IFNAR1: variants seen among roughly 807,000 people sequenced by gnomAD.
IFNAR1 encodes interferon alpha and beta receptor subunit 1, also known as interferon alpha/beta receptor 1.
In IFNAR1, 47 loss-of-function variants were observed where a neutral mutation model predicts 62.1. That is an observed-to-expected ratio of 0.76 (90% CI 0.60 to 0.97). The LOEUF (loss-of-function observed/expected upper bound fraction) is 0.97, where lower values mean the gene tolerates loss of function less well. Ranked by LOEUF, IFNAR1 falls within the 50% of genes least tolerant of loss-of-function variation. IFNAR1 has a pLI of 0.00. For synonymous variants in IFNAR1, 219 were observed against 226.9 expected (o/e 0.97, Z 0.31); for missense variants, 638 against 654.5 (o/e 0.97, Z 0.27).
rs1252576216 is a variant in IFNAR1, at chr21:33,343,408, T to A, written c.517T>A (p.Ser173Thr). 1 of 1,612,278 alleles carries A rather than the reference T, an allele frequency of 6.2e-7. No homozygotes were observed. Among genetic ancestry groups the A allele is most frequent in the Admixed American group, 1.7e-5 (1 of 59,948 alleles). Residue 173 changes from serine (S) to threonine (T), a missense_variant, in exon 4 of 11, where the codon TCT (serine) becomes ACT (threonine). Physicochemically the swap from Ser to Thr is moderately conservative, Grantham distance 58. Transcript: ENST00000270139. Reference protein sequence around the residue: ...FTYSLVIWKNSSGVEERIENI... With the variant: ...FTYSLVIWKNTSGVEERIENI... ...ATATAGCTTAGTTATCTGGAAAAAC[T>A]CTTCAGGTGTAGAAGTAAGCATTAT...
chr21:33,331,487 C>T (rs991175872), intron 1 of IFNAR1, among the ~76,000 whole-genome samples: 2 of 152,164 alleles, frequency 1.3e-5, no homozygotes, highest in Non-Finnish European at 2.9e-5. Context: ...CCCTGTTCTA[C>T]AGGCCAAATA....
Position 33,349,557 on chromosome 21 carries a change from ATAGTATAAT to A in IFNAR1, c.1143+16_1143+24del. 6.5e-7 allele frequency: 1 copy of A among 1,535,190 alleles called. No individual in the cohort carries two copies. Among genetic ancestry groups the A allele is most frequent in the Non-Finnish European group, 8.9e-7 (1 of 1,125,340 alleles). ...TCAAATGCTGAGGTAAAAAGACTGT[ATAGTATAAT>A]TTTGTAACTTAGAGTTATAATTATG... is the stretch of plus-strand genomic sequence containing the variant. On this transcript the variant is annotated intron_variant, in intron 8 of 10. Coordinates refer to ENST00000270139, the MANE Select transcript of IFNAR1 (RefSeq NM_000629.3).
intron 1 of IFNAR1, among the ~76,000 whole-genome samples, chr21:33,331,233 C>A (rs754606745): frequency 3.8e-4 from 58 of 152,202 alleles, no homozygotes; most frequent in African/African-American, 1.4e-3. Context: ...CCTGGGAACA[C>A]ACTACCTTGG....
chr21:33,347,821 C>T (rs1163347987), intron 6 of IFNAR1, among the ~76,000 whole-genome samples: 1 of 152,114 alleles, frequency 6.6e-6, no homozygotes, highest in African/African-American at 2.4e-5. Context: ...TTTGCCTTCT[C>T]CAGTGGGGAG....
chr21:33,325,252 T>C (rs1160232993), intron 1 of IFNAR1, 121 bp downstream of exon 1: 1 of 862,610 alleles, frequency 1.2e-6, no homozygotes, highest in Non-Finnish European at 1.8e-6. Context: ...TCGGTCCACT[T>C]TGCCGCGCCA....
intron 1 of IFNAR1, chr21:33,334,898 A>G: frequency 6.9e-7 from 1 of 1,447,174 alleles, no homozygotes; most frequent in Non-Finnish European, 9.7e-7. Context: ...GATACACTAT[A>G]CTTTCCCACC....
rs1242618626 is a variant in IFNAR1, at chr21:33,349,308, A to G, written c.988+18A>G. ...AATACAAGGTAAGGCAGTAGTTTTT[A>G]CTGGAGATTGTAATTCTCTGGTGCA... On this transcript the variant is annotated intron_variant, in intron 7 of 10. Transcript: ENST00000270139. The G allele has an allele frequency of 1.3e-6, 2 of 1,576,386 alleles. No homozygotes were observed. Among genetic ancestry groups the G allele is most frequent in the African/African-American group, 2.7e-5 (2 of 73,352 alleles).
At chr21:33,347,352 A>C (rs1191237902) in intron 6 of IFNAR1, among the ~76,000 whole-genome samples, 1 of 151,718 alleles carries the variant, frequency 6.6e-6, no homozygotes, top group Non-Finnish European at 1.5e-5. Context: ...CTGGTCTCGA[A>C]CTCCTGACTT....
rs2083483699 is a variant in IFNAR1 at position 33,359,810 on chromosome 21, T to C, written c.*4261T>C. The C allele has an allele frequency of 1.3e-5, 2 of 152,154 alleles. No individual in the cohort carries two copies. Among genetic ancestry groups the C allele is most frequent in the African/African-American group, 4.8e-5 (2 of 41,432 alleles). 9.4% of individuals were successfully genotyped at this position (152,154 alleles called of 1,614,324 possible). ...ACACAAATAATAAATAAATCATCCC[T>C]AATGCCCAAGAAATGCCCTGGTACT... On this transcript the variant is annotated 3_prime_UTR_variant, in exon 11 of 11. Transcript: ENST00000270139.
At chr21:33,328,551 A>G (rs1357138054) in intron 1 of IFNAR1, among the ~76,000 whole-genome samples, 1 of 152,212 alleles carries the variant, frequency 6.6e-6, no homozygotes, top group African/African-American at 2.4e-5. Flanking sequence ...TCAAGACCTT[A>G]AGTTTACAGC....
In IFNAR1 at chr21:33,353,790, T is replaced by G. The variant is rs1488970081; in HGVS notation, c.1440+7T>G. The G allele has an allele frequency of 6.5e-7, 1 of 1,543,060 alleles. No individual in the cohort carries two copies. The highest frequency in any genetic ancestry group is 1.2e-5 in the South Asian group (1 of 81,052). On this transcript the variant is annotated splice_region_variant and intron_variant, in intron 10 of 10. Transcript: ENST00000270139. The stretch of plus-strand genomic sequence containing the variant: ...TTCTTCCAGTATAGATGAGGTATGT[T>G]ACTTTTTTTATTTTTTTGTCAACAG...
At chr21:33,337,756 A>ATATTGT (rs2083255948) in intron 2 of IFNAR1, among the ~76,000 whole-genome samples, 1 of 152,020 alleles carries the variant, frequency 6.6e-6, no homozygotes, top group Non-Finnish European at 1.5e-5. Context: ...ACATATACAC[A>ATATTGT]CTATATATAC....
chr21:33,352,682 A>C, intron 8 of IFNAR1, 76 bp from the exon 9 acceptor site: 1 of 794,886 alleles, frequency 1.3e-6, no homozygotes, highest in East Asian at 2.5e-5. Context: ...ACTGAACATA[A>C]AAAATTGAGA....
Position 33,341,101 on chromosome 21 carries a change from A to G in IFNAR1, c.303A>G (p.Lys101=). 1 of 1,613,422 alleles carries G rather than the reference A, an allele frequency of 6.2e-7. No homozygotes were observed. Among genetic ancestry groups the G allele is most frequent in the Non-Finnish European group, 8.5e-7 (1 of 1,179,476 alleles). ...SLKLNVYEEI[K]LRIRAEKENT... ...AGCTGAATGTTTATGAAGAAATTAA[A>G]TTGCGTATAAGAGCAGAAAAAGAAA... Residue 101 remains lysine, a synonymous_variant, in exon 3 of 11, where the codon AAA becomes AAG. Transcript: ENST00000270139.
At chr21:33,338,954 C>T (rs1261830081) in intron 2 of IFNAR1, among the ~76,000 whole-genome samples, 1 of 152,138 alleles carries the variant, frequency 6.6e-6, no homozygotes, top group Non-Finnish European at 1.5e-5. Context: ...GTTGATCGGG[C>T]TGATCTCGAA....
upstream of IFNAR1, chr21:33,324,825 T>G (rs2083107133): frequency 3.6e-6 from 2 of 557,472 alleles, no homozygotes; most frequent in African/African-American, 3.8e-5. Flanking sequence ...CAATGGGAGC[T>G]TGGAGAAGGG....
intron 4 of IFNAR1, 41 bp from the exon 5 acceptor site, chr21:33,343,493 CT>C (rs1177177638): frequency 3.2e-6 from 5 of 1,555,184 alleles, no homozygotes; most frequent in Non-Finnish European, 4.4e-6. Context: ...TAAAATTTGA[CT>C]TTATACTTTT....
In IFNAR1 at chr21:33,325,113, G is replaced by T; in HGVS notation, c.58G>T (p.Val20Leu). The change falls in exon 1 of 11, where the codon GTG becomes TTG. Residue 20 changes from valine (V) to leucine (L), a missense_variant. Val to Leu is a conservative substitution (Grantham distance 32, BLOSUM62 1). Transcript: ENST00000270139. ...AGTGCTCGTCGCCGTGGCGCCATGG[G>T]TGTTGTCCGCAGCCGCAGGTGAGAG... is the stretch of plus-strand genomic sequence containing the variant. ...TLVLVAVAPW[V>L]LSAAAGGKNL... The T allele has an allele frequency of 6.2e-7, 1 of 1,611,766 alleles. No homozygotes were observed.
rs1301318093 is a variant in IFNAR1 at position 33,349,251 on chromosome 21, T to G, written c.949T>G (p.Phe317Val). Residue 317 changes from phenylalanine (F) to valine (V), a missense_variant, in exon 7 of 11, where the codon TTT becomes GTT. Coordinates refer to ENST00000270139, the MANE Select transcript of IFNAR1 (RefSeq NM_000629.3). ...VQASDGNNTS[F>V]WSEEIKFDTE... ...AGCATCTGATGGAAATAACACATCT[T>G]TTTGGTCTGAAGAGATAAAGTTTGA... 1.9e-6 allele frequency: 3 copies of G among 1,612,964 alleles called. No individual in the cohort carries two copies. Among genetic ancestry groups the G allele is most frequent in the South Asian group, 2.2e-5 (2 of 90,844 alleles).
Sources: allele counts gnomAD v4.1 joint callset (sites outside exome capture counted in the v4.1 genomes callset), GRCh38; gene constraint gnomAD v4.1.1; transcripts MANE v1.5; gene names NCBI Gene and HGNC (gene_info 2026-07-23, HGNC 2026-07-21).